The following CALD1 variants were observed in gnomAD, a reference collection of about 807,000 sequenced individuals.
CALD1 encodes caldesmon.
Under a neutral mutation model 99.9 loss-of-function variants are expected in CALD1, and 33 were observed. The observed-to-expected ratio is 0.33, with a 90% CI of 0.25 to 0.44. The LOEUF (loss-of-function observed/expected upper bound fraction) is 0.44. CALD1 is among the 20% of genes least tolerant of loss of function. The pLI, the probability that CALD1 is intolerant of heterozygous loss-of-function variation, is 1.00. For synonymous variants in CALD1, 310 were observed against 325.0 expected (o/e 0.95, Z 0.50); for missense variants, 861 against 962.1 (o/e 0.89, Z 1.39).
intron 1 of CALD1, among the ~76,000 whole-genome samples, chr7:134,805,505 A>G (rs1798101497): frequency 6.6e-6 from 1 of 151,858 alleles, no homozygotes; most frequent in Non-Finnish European, 1.5e-5. Flanking sequence ...TATCATTTAT[A>G]TTTTCAGTGC....
intron 2 of CALD1, among the ~76,000 whole-genome samples, chr7:134,853,096 T>C (rs1167873922): frequency 5.3e-5 from 8 of 152,210 alleles, no homozygotes; most frequent in Non-Finnish European, 1.5e-5. Context: ...CTTAGCTGCA[T>C]GAAGTTAATG....
Position 134,756,181 on chromosome 7 carries a change from A to C in CALD1, c.-130+11818A>C, listed in dbSNP as rs1380153641. Among the ~76,000 whole-genome samples, 43 of 148,536 alleles carry C rather than the reference A, an allele frequency of 2.9e-4. No individual in the cohort carries two copies. The Admixed American group carries it at 3.0e-3, about 10-fold the overall frequency. On this transcript the variant is annotated intron_variant, in intron 1 of 13. Coordinates refer to the CALD1 transcript ENST00000417172. ...GCTGGGATTACAGGTGAGAGGCAGAAGAATTGCTTGAACCTGGGAGGCGGA... is the reference window on the plus strand; with the variant it reads ...GCTGGGATTACAGGTGAGAGGCAGACGAATTGCTTGAACCTGGGAGGCGGA...
intron 1 of CALD1, among the ~76,000 whole-genome samples, chr7:134,814,450 A>G (rs1425311080): frequency 6.6e-6 from 1 of 152,198 alleles, no homozygotes; most frequent in Non-Finnish European, 1.5e-5. Context: ...TCATGCAGTC[A>G]GTCCCAGTGG....
chr7:134,788,872 G>A (rs763044439), intron 1 of CALD1, among the ~76,000 whole-genome samples: 5 of 151,780 alleles, frequency 3.3e-5, no homozygotes, highest in Admixed American at 2.0e-4. Flanking sequence ...AAAATTAGCC[G>A]GCCATGGTGG....
intron 7 of CALD1, chr7:134,944,593 T>C (rs563888098): frequency 6.6e-6 from 1 of 152,234 alleles, no homozygotes; most frequent in South Asian, 2.1e-4. Flanking sequence ...TCTTGTTTTA[T>C]TCTTCCTCTT....
chr7:134,808,948 T>C (rs1798253485), intron 1 of CALD1, among the ~76,000 whole-genome samples: 1 of 152,160 alleles, frequency 6.6e-6, no homozygotes, highest in Non-Finnish European at 1.5e-5. Flanking sequence ...GATGAGGGGC[T>C]CATTGCCAAG....
intron 1 of CALD1, among the ~76,000 whole-genome samples, chr7:134,759,542 A>C (rs909413076): frequency 2.6e-5 from 4 of 152,206 alleles, no homozygotes; most frequent in Non-Finnish European, 2.9e-5. Context: ...GGACAATGAA[A>C]AACAGTTTAA....
At chr7:134,837,627 G>T (rs766950825) in intron 1 of CALD1, among the ~76,000 whole-genome samples, 1 of 152,144 alleles carries the variant, frequency 6.6e-6, no homozygotes, top group Non-Finnish European at 1.5e-5. Flanking sequence ...GATTACAGGC[G>T]TGAGCCAATG....
the CALD1 span, among the ~76,000 whole-genome samples, chr7:134,723,450 T>C: frequency 9.3e-4 from 141 of 151,772 alleles, 1 homozygote; most frequent in Non-Finnish European, 1.8e-3. Context: ...CTTGGCACCC[T>C]TAAATCCAGC....
chr7:134,965,463 A>T (rs1324728131), intron 14 of CALD1, 77 bp downstream of exon 14: 1 of 783,146 alleles, frequency 1.3e-6, no homozygotes, highest in East Asian at 2.5e-5. Context: ...CTGGAGTCAG[A>T]TGAGAAATAT....
chr7:134,896,038 C>T (rs1249376892), intron 3 of CALD1, among the ~76,000 whole-genome samples: 6 of 152,260 alleles, frequency 3.9e-5, no homozygotes, highest in African/African-American at 4.8e-5. Context: ...CCATCCTTCC[C>T]GCCAAACTAC....
chr7:134,819,525 G>A (rs139282520), intron 1 of CALD1, among the ~76,000 whole-genome samples: 60 of 152,236 alleles, frequency 3.9e-4, no homozygotes, highest in South Asian at 6.2e-4. Context: ...ATATGTATGC[G>A]TTGTTTATGT....
chr7:134,747,443 C>T (rs1381307182), intron 1 of CALD1, among the ~76,000 whole-genome samples: 3 of 152,150 alleles, frequency 2.0e-5, no homozygotes, highest in African/African-American at 4.8e-5. Context: ...ATTCGTGATG[C>T]CAAGGAAGGG....
intron 3 of CALD1, among the ~76,000 whole-genome samples, chr7:134,893,858 G>A (rs1802376269): frequency 6.6e-6 from 1 of 152,260 alleles, no homozygotes. Flanking sequence ...AGATGATTTT[G>A]AGGGCTCCAG....
intron 3 of CALD1, among the ~76,000 whole-genome samples, chr7:134,908,819 AT>A (rs1430158826): frequency 1.3e-5 from 2 of 152,066 alleles, no homozygotes; most frequent in African/African-American, 2.4e-5. Context: ...AAAATACTAT[AT>A]ATATATATAT....
chr7:134,895,139 AATT>A (rs1238773299), intron 3 of CALD1, among the ~76,000 whole-genome samples: 1 of 148,838 alleles, frequency 6.7e-6, no homozygotes, highest in African/African-American at 2.5e-5. Context: ...ATAAATAAAT[AATT>A]GGCACAATTT....
At chr7:134,862,065 C>A (rs1800585918) in intron 2 of CALD1, among the ~76,000 whole-genome samples, 1 of 152,156 alleles carries the variant, frequency 6.6e-6, no homozygotes, top group African/African-American at 2.4e-5. Flanking sequence ...CAATTGAGAT[C>A]TTTTGTGACT....
In CALD1 at chr7:134,933,150, T is replaced by C. The variant is rs1315794960; in HGVS notation, c.381T>C (p.Asp127=). 6.8e-6 allele frequency: 11 copies of C among 1,612,942 alleles called. No homozygotes were observed. The highest frequency in any genetic ancestry group is 9.3e-6 in the Non-Finnish European group (11 of 1,179,744). Residue 127 remains aspartate, a synonymous_variant, in exon 5 of 15, where the codon GAT becomes GAC. Coordinates refer to ENST00000361675, the MANE Select transcript of CALD1 (RefSeq NM_033138.4). ...RQKEFDPTIT[D]ASLSLPSRRM... ...AGGAGTTCGACCCAACAATAACAGA[T>C]GCAAGTCTGTCGCTCCCAAGCAGAA...
intron 1 of CALD1, among the ~76,000 whole-genome samples, chr7:134,800,608 A>G (rs1231875023): frequency 6.6e-6 from 1 of 152,020 alleles, no homozygotes; most frequent in African/African-American, 2.4e-5. Context: ...CTGTCTAATT[A>G]TCTTAAAGTG....
Sources: gnomAD v4.1 joint callset for allele counts (sites outside exome capture counted in the v4.1 genomes callset) on GRCh38, gnomAD v4.1.1 for gene constraint, MANE v1.5 for transcripts, NCBI Gene and HGNC (gene_info 2026-07-23, HGNC 2026-07-21) for gene names.